Variants in GPR39 observed in about 807,000 individuals in gnomAD.
The protein encoded by GPR39 is G protein-coupled receptor 39, also known as zinc sensing receptor.
GPR39 carries 23 observed loss-of-function variants against 18.4 expected under a neutral mutation model. The ratio of observed to expected loss-of-function variants is 1.25; its 90% CI spans 0.90 to 1.77. The LOEUF (loss-of-function observed/expected upper bound fraction) is 1.77, where lower values mean the gene tolerates loss of function less well. Among genes scored for constraint, GPR39 ranks in the 40% most tolerant of loss-of-function variants. GPR39 has a pLI of 0.00. For synonymous variants in GPR39, 280 were observed against 257.9 expected (o/e 1.09, Z -0.82); for missense variants, 647 against 602.4 (o/e 1.07, Z -0.78).
At chr2:132,601,802 G>A (rs1017596437) in intron 1 of GPR39, among the ~76,000 whole-genome samples, 1 of 151,846 alleles carries the variant, frequency 6.6e-6, no homozygotes, top group African/African-American at 2.4e-5. Context: ...AATCAAGAAA[G>A]CAATCTCATA....
At chr2:132,434,145 A>T (rs7425737) in intron 1 of GPR39, among the ~76,000 whole-genome samples, 32,557 of 151,970 alleles carry the variant, frequency 0.21, 3,648 homozygotes, top group African/African-American at 0.26. Flanking sequence ...AGAGTGCTCT[A>T]TTCTGAAAAA....
intron 1 of GPR39, among the ~76,000 whole-genome samples, chr2:132,589,665 G>C (rs1354489435): frequency 6.6e-6 from 1 of 152,168 alleles, no homozygotes; most frequent in Non-Finnish European, 1.5e-5. Flanking sequence ...TTTCTCACTT[G>C]ATGAACATTC....
At chr2:132,454,528 A>G (rs964470090) in intron 1 of GPR39, among the ~76,000 whole-genome samples, 16 of 152,122 alleles carry the variant, frequency 1.1e-4, no homozygotes, top group African/African-American at 3.9e-4. Context: ...GTTGAATAGG[A>G]GTGGTGAGAG....
chr2:132,560,911 T>A (rs1173995649), intron 1 of GPR39, among the ~76,000 whole-genome samples: 1 of 139,378 alleles, frequency 7.2e-6, no homozygotes, highest in Non-Finnish European at 1.5e-5. Context: ...TTTTGTTTTG[T>A]TTTTTGCTTT....
rs562410331 is a variant in GPR39, at chr2:132,567,178, C to T, written c.857-77923C>T. 1.2e-4 allele frequency among the ~76,000 whole-genome samples: 18 copies of T among 152,242 alleles called. No homozygotes were observed. In the East Asian group the frequency reaches 2.7e-3, roughly 23 times the overall value. ...CTCTAGTAAAAATACAAAAATTAAC[C>T]GGGCATGGCGGCACATGCCTGTAAT... On this transcript the variant is annotated intron_variant, in intron 1 of 1. Transcript: ENST00000329321.
intron 1 of GPR39, among the ~76,000 whole-genome samples, chr2:132,431,199 G>A (rs967740039): frequency 3.3e-5 from 5 of 152,146 alleles, no homozygotes; most frequent in African/African-American, 2.4e-5. Flanking sequence ...TTGAAACTTG[G>A]CCTGGAAAAC....
At chr2:132,599,092 C>T (rs1360071637) in intron 1 of GPR39, among the ~76,000 whole-genome samples, 1 of 152,118 alleles carries the variant, frequency 6.6e-6, no homozygotes, top group East Asian at 1.9e-4. Context: ...TATGTGTTCT[C>T]TACTTTAACC....
chr2:132,456,454 A>T (rs1230653777), intron 1 of GPR39, among the ~76,000 whole-genome samples: 3 of 152,130 alleles, frequency 2.0e-5, no homozygotes, highest in African/African-American at 7.2e-5. Flanking sequence ...TGTGTCTTTT[A>T]ATTGGGGCAT....
At chr2:132,622,587 G>A (rs1315533190) in intron 1 of GPR39, among the ~76,000 whole-genome samples, 1 of 152,096 alleles carries the variant, frequency 6.6e-6, no homozygotes, top group African/African-American at 2.4e-5. Context: ...TACCTGGAAG[G>A]TATATATTGA....
intron 1 of GPR39, among the ~76,000 whole-genome samples, chr2:132,453,789 G>A (rs998184855): frequency 3.3e-5 from 5 of 152,170 alleles, no homozygotes; most frequent in Non-Finnish European, 5.9e-5. Flanking sequence ...TCAGATGGTT[G>A]TAGATATTTG....
intron 1 of GPR39, among the ~76,000 whole-genome samples, chr2:132,549,194 G>A (rs935289682): frequency 6.6e-6 from 1 of 152,132 alleles, no homozygotes; most frequent in East Asian, 1.9e-4. Context: ...TGAGCACATA[G>A]AGGTCTGTGG....
rs1398523934 is a variant in GPR39 at position 132,646,547 on chromosome 2, TTAAA to T, written c.*944_*947del. On this transcript the variant is annotated 3_prime_UTR_variant, in exon 2 of 2. Transcript: ENST00000329321. ...GTGAATACCTGTTAATAAAGAGCTG[TTAAA>T]TAGACTTATTTACATTTTAAGTCAG... 8.3e-5 allele frequency: 29 copies of T among 350,412 alleles called. No individual in the cohort carries two copies. The highest frequency in any genetic ancestry group is 1.5e-4 in the South Asian group (1 of 6,730). The allele number at this position is 350,412 out of a possible 1,614,324, so 21.7% of individuals were successfully genotyped here.
chr2:132,488,824 T>C (rs1306140609), intron 1 of GPR39: 6 of 175,888 alleles, frequency 3.4e-5, no homozygotes, highest in East Asian at 1.2e-4. Context: ...GTTTACCTTG[T>C]GCCCCTGCGC....
intron 1 of GPR39, among the ~76,000 whole-genome samples, chr2:132,633,059 G>A (rs1681679591): frequency 6.6e-6 from 1 of 152,102 alleles, no homozygotes; most frequent in Non-Finnish European, 1.5e-5. Flanking sequence ...CTGAAGAATG[G>A]GGGGTAAAGA....
At chr2:132,461,172 A>C (rs1459609873) in intron 1 of GPR39, among the ~76,000 whole-genome samples, 1 of 152,204 alleles carries the variant, frequency 6.6e-6, no homozygotes. Context: ...CAGATAAGGA[A>C]AATGGGATGC....
intron 1 of GPR39, among the ~76,000 whole-genome samples, chr2:132,504,841 A>G (rs1223197607): frequency 6.6e-6 from 1 of 152,230 alleles, no homozygotes; most frequent in Non-Finnish European, 1.5e-5. Flanking sequence ...TTCTTGGTAT[A>G]AAAGAACAAC....
chr2:132,427,119 C>A lies in GPR39; in HGVS notation c.856+9221C>A, dbSNP rs926298749. ...TATAGGTACATATATATATAATATACATATATAGGTACATATATATATATA... is the reference window on the plus strand; with the variant it reads ...TATAGGTACATATATATATAATATAAATATATAGGTACATATATATATATA... On this transcript the variant is annotated intron_variant, in intron 1 of 1. Transcript: ENST00000329321. Among the ~76,000 whole-genome samples, 475 of 57,050 alleles carry A rather than the reference C, an allele frequency of 8.3e-3. 8 individuals are homozygous for A. The highest frequency in any genetic ancestry group is 0.034 in the African/African-American group (452 of 13,228). The allele number at this position is 57,050 out of a possible 152,430, so 37.4% of individuals were successfully genotyped here.
chr2:132,428,185 C>G (rs760093875), intron 1 of GPR39, among the ~76,000 whole-genome samples: 96 of 152,038 alleles, frequency 6.3e-4, no homozygotes, highest in Non-Finnish European at 1.3e-3. Context: ...AAGCTGACTT[C>G]CTCCAAGAAG....
intron 1 of GPR39, among the ~76,000 whole-genome samples, chr2:132,590,775 T>C (rs1164746517): frequency 2.0e-5 from 3 of 151,682 alleles, no homozygotes; most frequent in Non-Finnish European, 2.9e-5. Context: ...GTGGTTAATA[T>C]TGAGTGTCAA....
Sources: gnomAD v4.1 joint callset for allele counts (sites outside exome capture counted in the v4.1 genomes callset) on GRCh38, gnomAD v4.1.1 for gene constraint, MANE v1.5 for transcripts, NCBI Gene and HGNC (gene_info 2026-07-23, HGNC 2026-07-21) for gene names.